SSX2IP: variants seen among roughly 807,000 people sequenced by gnomAD.
SSX2IP encodes afadin- and alpha-actinin-binding protein.
A neutral mutation model predicts 84.9 loss-of-function variants in SSX2IP; 55 were observed. That is an observed-to-expected ratio of 0.65 (90% CI 0.52 to 0.81). The LOEUF (loss-of-function observed/expected upper bound fraction) is 0.81. Ranked by LOEUF, SSX2IP falls within the 30% of genes least tolerant of loss-of-function variation. The pLI is 0.00. For synonymous variants in SSX2IP, 239 were observed against 234.7 expected, an observed-to-expected ratio of 1.02 and a Z score of -0.17; for missense variants, 664 against 705.2, an observed-to-expected ratio of 0.94 and a Z score of 0.66.
chr1:84,647,872 CCT>C (rs1649677003), intron 13 of SSX2IP, among the ~76,000 whole-genome samples: 1 of 151,912 alleles, frequency 6.6e-6, no homozygotes, highest in African/African-American at 2.4e-5. Flanking sequence ...ATGGTGAAAC[CCT>C]GTCTCTACAA....
intron 1 of SSX2IP, among the ~76,000 whole-genome samples, chr1:84,679,285 T>C (rs1039024389): frequency 6.6e-6 from 1 of 152,194 alleles, no homozygotes; most frequent in African/African-American, 2.4e-5. Flanking sequence ...TCTCTGCACC[T>C]TAAAATTGTT....
chr1:84,686,256 T>C (rs1056261483), intron 1 of SSX2IP, among the ~76,000 whole-genome samples: 1 of 152,224 alleles, frequency 6.6e-6, no homozygotes, highest in African/African-American at 2.4e-5. Context: ...ACAGATATTA[T>C]AGTAAACTGG....
chr1:84,666,190 C>A lies in SSX2IP; in HGVS notation c.469G>T (p.Glu157Ter). ...TTACATTGTAACTGTCTGTCTCTTT[C>A]CTGAAGCCCAATCATTTCCCTCCTG... Reference protein sequence around the residue: ...TSRREMIGLQERDRQLQCKNR... With the variant: ...TSRREMIGLQ Residue 157 changes from glutamate (E) to a stop codon, truncating the protein, a stop_gained, in exon 5 of 14, where the codon GAA (glutamate) becomes TAA (stop). Transcript: ENST00000342203. LOFTEE classifies it high-confidence loss of function. The A allele has an allele frequency of 1.2e-6, 2 of 1,612,840 alleles. No individual in the cohort carries two copies. Among genetic ancestry groups the A allele is most frequent in the South Asian group, 2.2e-5 (2 of 90,874 alleles).
chr1:84,686,801 T>C (rs1326209524), intron 1 of SSX2IP, among the ~76,000 whole-genome samples: 1 of 152,170 alleles, frequency 6.6e-6, no homozygotes, highest in Non-Finnish European at 1.5e-5. Flanking sequence ...TTTTAAAAAG[T>C]GTTGAATTCG....
At chr1:84,678,875 A>G (rs1185588887) in intron 1 of SSX2IP, among the ~76,000 whole-genome samples, 1 of 152,194 alleles carries the variant, frequency 6.6e-6, no homozygotes, top group African/African-American at 2.4e-5. Context: ...AGAAGGTACA[A>G]TTGCCTACCT....
intron 1 of SSX2IP, among the ~76,000 whole-genome samples, chr1:84,674,654 A>G (rs957137126): frequency 1.3e-5 from 2 of 152,190 alleles, no homozygotes; most frequent in Non-Finnish European, 2.9e-5. Context: ...TCTCTCTGCG[A>G]ATTTGGCTCT....
chr1:84,685,857 A>C (rs1390001122), intron 1 of SSX2IP, among the ~76,000 whole-genome samples: 1 of 151,766 alleles, frequency 6.6e-6, no homozygotes, highest in Non-Finnish European at 1.5e-5. Flanking sequence ...ATAAAATCGA[A>C]GGCTATAGAA....
chr1:84,671,352 T>G lies in SSX2IP; in HGVS notation c.-89-44A>C, dbSNP rs564016071. On this transcript the variant is annotated intron_variant, in intron 1 of 13. Transcript: ENST00000342203. ...GAATAATAGCATCTAATTTAAAATA[T>G]GAAAGCCAATATAAACCCAATGCTT... 4.2e-4 allele frequency: 599 copies of G among 1,415,482 alleles called. 4 individuals carry two copies. The South Asian group carries it at 6.4e-3, about 15-fold the overall frequency. The allele number at this position is 1,415,482 out of a possible 1,614,324, so 87.7% of individuals were successfully genotyped here.
intron 1 of SSX2IP, among the ~76,000 whole-genome samples, chr1:84,672,529 T>C (rs1469368909): frequency 2.0e-5 from 3 of 152,192 alleles, no homozygotes; most frequent in Non-Finnish European, 4.4e-5. Flanking sequence ...GATGTGGTTA[T>C]ACTGGTACAC....
At chr1:84,653,454 T>A (rs1650621060) in intron 11 of SSX2IP, among the ~76,000 whole-genome samples, 2 of 152,082 alleles carry the variant, frequency 1.3e-5, no homozygotes, top group African/African-American at 4.8e-5. Flanking sequence ...CATGCCTCCC[T>A]CCCATCCCTC....
At chr1:84,650,240 C>A in intron 13 of SSX2IP, 122 bp downstream of exon 13, 3 of 928,350 alleles carry the variant, frequency 3.2e-6, no homozygotes, top group Non-Finnish European at 5.2e-6. Flanking sequence ...AATAAATCAT[C>A]TACTAAATTC....
upstream of SSX2IP, chr1:84,690,462 C>T (rs1406389492): frequency 1.3e-5 from 2 of 151,914 alleles, no homozygotes; most frequent in South Asian, 2.0e-4. Flanking sequence ...CGCAGCGCCT[C>T]CCGCCCGCGG....
intron 8 of SSX2IP, among the ~76,000 whole-genome samples, chr1:84,660,510 A>T (rs569193979): frequency 6.6e-6 from 1 of 152,316 alleles, no homozygotes; most frequent in East Asian, 1.9e-4. Context: ...TTAACTACAT[A>T]TAAGAGGTCA....
intron 3 of SSX2IP, chr1:84,670,140 A>G: frequency 3.7e-6 from 1 of 273,496 alleles, no homozygotes; most frequent in Non-Finnish European, 6.8e-6. Flanking sequence ...ATGAAACATC[A>G]TGTTGAACAT....
chr1:84,662,519 A>G lies in SSX2IP; in HGVS notation c.685T>C (p.Leu229=). Residue 229 remains leucine (L), a synonymous_variant, in exon 7 of 14, where the codon TTG becomes CTG. Coordinates refer to ENST00000342203, the MANE Select transcript of SSX2IP (RefSeq NM_001166293.2). ...KKDKKIAMDI[L]NYVGRADGKR... The stretch of plus-strand genomic sequence containing the variant: ...CCATCAGCTCTCCCGACATAATTCA[A>G]AATGTCCATAGCTACAAACATGAAC... The G allele has an allele frequency of 6.2e-7, 1 of 1,613,934 alleles. No homozygotes were observed. The highest frequency in any genetic ancestry group is 8.5e-7 in the Non-Finnish European group (1 of 1,179,892).
intron 1 of SSX2IP, among the ~76,000 whole-genome samples, chr1:84,684,098 ATAAT>A (rs776590499): frequency 3.3e-5 from 5 of 152,246 alleles, no homozygotes; most frequent in Non-Finnish European, 7.3e-5. Context: ...GAAACCAAAC[ATAAT>A]TAATAAATCT....
chr1:84,684,795 TCA>T (rs1222927772), intron 1 of SSX2IP, among the ~76,000 whole-genome samples: 1 of 151,902 alleles, frequency 6.6e-6, no homozygotes, highest in East Asian at 1.9e-4. Flanking sequence ...TCAGAAAACT[TCA>T]GTGACACATA....
Position 84,657,553 on chromosome 1 carries a change from TGA to T in SSX2IP, c.1078+763_1078+764del, listed in dbSNP as rs1288265579. Among the ~76,000 whole-genome samples the T allele has an allele frequency of 6.6e-5, 10 of 150,594 alleles. No individual in the cohort carries two copies. The South Asian group carries it at 2.1e-3, about 31-fold the overall frequency. On this transcript the variant is annotated intron_variant, in intron 9 of 13. Transcript: ENST00000342203. ...ACTACGATAAATATTTCTTGATTTT[TGA>T]GAGTCAGTAAAAGAGACTCAGTTTT...
At chr1:84,685,428 C>T (rs943511543) in intron 1 of SSX2IP, among the ~76,000 whole-genome samples, 4 of 152,226 alleles carry the variant, frequency 2.6e-5, no homozygotes, top group Admixed American at 2.6e-4. Flanking sequence ...TGATGATGAA[C>T]TCAAGAGCAC....
Sources: allele counts gnomAD v4.1 joint callset (sites outside exome capture counted in the v4.1 genomes callset), GRCh38; gene constraint gnomAD v4.1.1; transcripts MANE v1.5; gene names NCBI Gene and HGNC (gene_info 2026-07-23, HGNC 2026-07-21).